PCDH15: variants seen among roughly 807,000 people sequenced by gnomAD.
PCDH15 encodes the protein protocadherin related 15, also known as protocadherin-15.
In PCDH15, 129 loss-of-function variants were observed where a neutral mutation model predicts 178.5. The ratio of observed to expected loss-of-function variants is 0.72; its 90% CI spans 0.63 to 0.84. PCDH15 has a LOEUF of 0.84. PCDH15 is among the 40% of genes least tolerant of loss of function. The pLI is 0.00. For synonymous variants in PCDH15, 800 were observed against 732.0 expected, an observed-to-expected ratio of 1.09 and a Z score of -1.50; for missense variants, 2,230 against 2,099.9, an observed-to-expected ratio of 1.06 and a Z score of -1.21.
chr10:55,143,211 TTTAAA>T (rs1246642157), intron 2 of PCDH15, among the ~76,000 whole-genome samples: 10 of 132,346 alleles, frequency 7.6e-5, no homozygotes, highest in Non-Finnish European at 1.2e-4. Context: ...CCTTTTTTTT[TTTAAA>T]TAAATTACCC....
intron 37 of PCDH15, among the ~76,000 whole-genome samples, chr10:53,807,682 T>C (rs1353797165): frequency 1.3e-5 from 2 of 152,198 alleles, no homozygotes; most frequent in Non-Finnish European, 2.9e-5. Flanking sequence ...ATTTACTTGA[T>C]GTATAATTTA....
At chr10:55,546,238 T>A (rs1408382673) in intron 2 of PCDH15, among the ~76,000 whole-genome samples, 3 of 152,152 alleles carry the variant, frequency 2.0e-5, no homozygotes, top group African/African-American at 7.2e-5. Flanking sequence ...ATAAAAAACA[T>A]TATTTTCTCA....
At chr10:55,222,710 T>TACACACACACAGACACACACACAC (rs1554842351) in intron 1 of PCDH15, among the ~76,000 whole-genome samples, 43 of 42,182 alleles carry the variant, frequency 1.0e-3, no homozygotes, top group South Asian at 2.6e-3. Context: ...TATATCTTTA[T>TACACACACACAGACACACACACAC]ACACACACAC....
chr10:54,505,179 C>T (rs571910366), intron 3 of PCDH15, among the ~76,000 whole-genome samples: 4 of 152,014 alleles, frequency 2.6e-5, no homozygotes, highest in Admixed American at 2.6e-4. Flanking sequence ...AAATGGGTTG[C>T]CTTAAGAAAA....
rs1840510220 is a variant in PCDH15 at position 55,495,418 on chromosome 10, A to G, written c.-156+132207T>C. Among the ~76,000 whole-genome samples, 3 of 151,888 alleles carry G rather than the reference A, an allele frequency of 2.0e-5. No individual in the cohort carries two copies. The South Asian group carries it at 6.2e-4, about 32-fold the overall frequency. The stretch of plus-strand genomic sequence containing the variant: ...AAGAATTATCAGAACTCAATAATAA[A>G]AAGACATATAATCCAATTAAAAATG... On this transcript the variant is annotated intron_variant, in intron 2 of 5. Coordinates refer to the PCDH15 transcript ENST00000613346.
intron 2 of PCDH15, among the ~76,000 whole-genome samples, chr10:54,559,071 A>G (rs1282447308): frequency 6.6e-6 from 1 of 152,082 alleles, no homozygotes; most frequent in Non-Finnish European, 1.5e-5. Flanking sequence ...CTCGGGGAAG[A>G]CACACGAAGG....
At chr10:54,321,112 CAT>C (rs1227382767) in intron 7 of PCDH15, among the ~76,000 whole-genome samples, 2 of 149,908 alleles carry the variant, frequency 1.3e-5, no homozygotes, top group African/African-American at 2.4e-5. Flanking sequence ...AATAAAATGA[CAT>C]ATTTAATATG....
intron 21 of PCDH15, among the ~76,000 whole-genome samples, chr10:53,962,951 G>C (rs147312009): frequency 1.3e-5 from 2 of 152,184 alleles, no homozygotes; most frequent in East Asian, 1.9e-4. Context: ...CTTGAGCAGA[G>C]AACTAGTATG....
At chr10:54,151,300 G>T (rs912480212) in intron 14 of PCDH15, among the ~76,000 whole-genome samples, 1 of 152,086 alleles carries the variant, frequency 6.6e-6, no homozygotes, top group African/African-American at 2.4e-5. Flanking sequence ...CAGCACTTTG[G>T]GAGGCTGAAG....
intron 2 of PCDH15, among the ~76,000 whole-genome samples, chr10:55,145,309 C>G (rs1838475431): frequency 6.6e-6 from 1 of 151,954 alleles, no homozygotes; most frequent in Admixed American, 6.6e-5. Context: ...CTGAGATAAA[C>G]AGGCTATGCT....
At chr10:55,245,014 T>C (rs1266170597) in intron 1 of PCDH15, among the ~76,000 whole-genome samples, 1 of 152,052 alleles carries the variant, frequency 6.6e-6, no homozygotes, top group East Asian at 1.9e-4. Flanking sequence ...TTTTGAACCA[T>C]TGCTATCTTT....
chr10:54,140,031 G>A (rs1409618301), intron 14 of PCDH15, among the ~76,000 whole-genome samples: 1 of 152,036 alleles, frequency 6.6e-6, no homozygotes, highest in Non-Finnish European at 1.5e-5. Flanking sequence ...CTATCTTCAT[G>A]CCTGTACAAA....
intron 2 of PCDH15, among the ~76,000 whole-genome samples, chr10:55,043,180 C>T (rs1017557842): frequency 3.3e-5 from 5 of 151,832 alleles, no homozygotes; most frequent in Admixed American, 6.6e-5. Flanking sequence ...TTTTTTTCTA[C>T]GTGGAATATT....
chr10:54,295,841 C>T (rs56092279), intron 8 of PCDH15, among the ~76,000 whole-genome samples: 77,033 of 151,776 alleles, frequency 0.51, 20,222 homozygotes, highest in Middle Eastern at 0.6. Flanking sequence ...GGGCACCTGT[C>T]GGTCAGTTAA....
intron 2 of PCDH15, chr10:54,600,573 C>A: frequency 1.7e-6 from 1 of 589,210 alleles, no homozygotes; most frequent in South Asian, 1.4e-5. Flanking sequence ...AACCATCACT[C>A]AAATGGTCGA....
intron 2 of PCDH15, among the ~76,000 whole-genome samples, chr10:55,478,905 A>G (rs1405450057): frequency 1.3e-5 from 2 of 149,172 alleles, no homozygotes; most frequent in East Asian, 3.9e-4. Flanking sequence ...ATTCTTAGAC[A>G]CATGTAATCT....
intron 2 of PCDH15, among the ~76,000 whole-genome samples, chr10:55,597,484 T>C (rs1366098031): frequency 6.6e-6 from 1 of 152,062 alleles, no homozygotes; most frequent in Non-Finnish European, 1.5e-5. Context: ...ACTCCAACAC[T>C]AGCCCCTCGA....
intron 23 of PCDH15, among the ~76,000 whole-genome samples, chr10:53,958,144 TA>T (rs1178696012): frequency 2.0e-5 from 3 of 152,132 alleles, no homozygotes; most frequent in African/African-American, 4.8e-5. Context: ...TCTAAGAAAG[TA>T]AAAAACACTA....
intron 15 of PCDH15, among the ~76,000 whole-genome samples, chr10:54,105,317 T>TATACACAC (rs1233590982): frequency 2.0e-4 from 18 of 91,618 alleles, no homozygotes; most frequent in Middle Eastern, 8.2e-3. Flanking sequence ...TATATATATA[T>TATACACAC]ACACACACAC....
Sources: allele counts gnomAD v4.1 joint callset (sites outside exome capture counted in the v4.1 genomes callset), GRCh38; gene constraint gnomAD v4.1.1; transcripts MANE v1.5; gene names NCBI Gene and HGNC (gene_info 2026-07-23, HGNC 2026-07-21).